The following CYRIB variants were observed in gnomAD, a reference collection of about 807,000 sequenced individuals.
CYRIB encodes the protein CYFIP-related Rac1 interactor B.
Under a neutral mutation model 44.2 loss-of-function variants are expected in CYRIB, and 8 were observed. That is an observed-to-expected ratio of 0.18 (90% CI 0.11 to 0.33). The LOEUF is 0.33. Among genes scored for constraint, CYRIB ranks in the 10% least tolerant of loss-of-function variants. The pLI, the probability that CYRIB is intolerant of heterozygous loss-of-function variation, is 1.00. For synonymous variants in CYRIB, 131 were observed against 127.2 expected (o/e 1.03, Z -0.20); for missense variants, 185 against 382.8 (o/e 0.48, Z 4.31).
At chr8:129,847,527 T>C (rs1349722606) in intron 10 of CYRIB, among the ~76,000 whole-genome samples, 3 of 152,020 alleles carry the variant, frequency 2.0e-5, no homozygotes, top group African/African-American at 7.2e-5. Context: ...AAAGAAGAAC[T>C]TTCAGGTAGA....
chr8:129,916,821 G>A (rs774026583), intron 1 of CYRIB, among the ~76,000 whole-genome samples: 2 of 152,178 alleles, frequency 1.3e-5, no homozygotes, highest in Non-Finnish European at 2.9e-5. Flanking sequence ...AATATGCAGT[G>A]CTTAAGTATT....
At chr8:130,001,063 G>C (rs978134917) in intron 1 of CYRIB, among the ~76,000 whole-genome samples, 7 of 152,116 alleles carry the variant, frequency 4.6e-5, no homozygotes, top group African/African-American at 1.7e-4. Flanking sequence ...CCAAAACACA[G>C]GCAAAGATGA....
chr8:129,995,803 C>A (rs1225968750), intron 1 of CYRIB, among the ~76,000 whole-genome samples: 3 of 152,250 alleles, frequency 2.0e-5, no homozygotes. Context: ...GGACCGTGGT[C>A]CAGAGGACTA....
At chr8:129,964,144 A>G (rs1020363488) in intron 2 of CYRIB, among the ~76,000 whole-genome samples, 6 of 152,246 alleles carry the variant, frequency 3.9e-5, no homozygotes, top group Non-Finnish European at 5.9e-5. Context: ...TTGAGAAGAA[A>G]GGCCCCTAAA....
chr8:129,957,347 G>A (rs1359665311), intron 2 of CYRIB, among the ~76,000 whole-genome samples: 2 of 152,158 alleles, frequency 1.3e-5, no homozygotes, highest in Non-Finnish European at 2.9e-5. Context: ...CAGTACTTAA[G>A]GCTGTACTTT....
At chr8:129,941,166 A>G (rs769257033), upstream of CYRIB, among the ~76,000 whole-genome samples, 23 of 152,034 alleles carry the variant, frequency 1.5e-4, no homozygotes, top group Non-Finnish European at 3.4e-4. Context: ...TAAGGGCAAC[A>G]TTCCTAGGCC....
intron 2 of CYRIB, among the ~76,000 whole-genome samples, chr8:129,950,066 T>C (rs1156772651): frequency 6.6e-6 from 1 of 152,220 alleles, no homozygotes; most frequent in Non-Finnish European, 1.5e-5. Context: ...ACTTAAATGT[T>C]TGGTAAACTC....
At chr8:129,981,927 CCAT>C (rs1340913533) in intron 1 of CYRIB, among the ~76,000 whole-genome samples, 2 of 152,216 alleles carry the variant, frequency 1.3e-5, no homozygotes, top group East Asian at 3.8e-4. Flanking sequence ...GTGAAGGACA[CCAT>C]CATCTATTCA....
At chr8:129,866,254 G>T (rs765604006) in intron 4 of CYRIB, among the ~76,000 whole-genome samples, 1 of 152,174 alleles carries the variant, frequency 6.6e-6, no homozygotes, top group Non-Finnish European at 1.5e-5. Flanking sequence ...TTTTTATCAC[G>T]TTTTTCCATA....
At chr8:129,942,517 C>G (rs1028557239), upstream of CYRIB, among the ~76,000 whole-genome samples, 2 of 152,176 alleles carry the variant, frequency 1.3e-5, no homozygotes, top group African/African-American at 4.8e-5. Context: ...GCTCAGAAAA[C>G]AAGACTCCTA....
intron 1 of CYRIB, among the ~76,000 whole-genome samples, chr8:129,921,753 T>C (rs911449073): frequency 6.6e-6 from 1 of 152,192 alleles, no homozygotes; most frequent in Non-Finnish European, 1.5e-5. Context: ...GTCAGGTATA[T>C]ATAAACTGAT....
At chr8:129,946,458 G>C (rs1276135988) in intron 2 of CYRIB, among the ~76,000 whole-genome samples, 1 of 152,160 alleles carries the variant, frequency 6.6e-6, no homozygotes, top group Non-Finnish European at 1.5e-5. Context: ...CTCCAGTGTT[G>C]CCTTAGGGAT....
intron 1 of CYRIB, among the ~76,000 whole-genome samples, chr8:129,906,098 C>T (rs1177715258): frequency 6.6e-6 from 1 of 152,072 alleles, no homozygotes; most frequent in Non-Finnish European, 1.5e-5. Flanking sequence ...TTGGAAAAAA[C>T]TACTTTAAAG....
At chr8:129,986,989 A>G (rs1249482860) in intron 1 of CYRIB, among the ~76,000 whole-genome samples, 1 of 152,184 alleles carries the variant, frequency 6.6e-6, no homozygotes, top group Non-Finnish European at 1.5e-5. Flanking sequence ...GACGGCTCAA[A>G]TGCAGCCATA....
At chr8:129,921,601 G>A (rs140550784) in intron 1 of CYRIB, among the ~76,000 whole-genome samples, 1 of 152,270 alleles carries the variant, frequency 6.6e-6, no homozygotes, top group East Asian at 1.9e-4. Context: ...GGAGAGACAA[G>A]GTTTCAGCAT....
At chr8:129,958,328 C>G (rs547558555) in intron 2 of CYRIB, among the ~76,000 whole-genome samples, 1 of 152,178 alleles carries the variant, frequency 6.6e-6, no homozygotes, top group Non-Finnish European at 1.5e-5. Context: ...CACCAGCACA[C>G]AAATGACTTT....
chr8:129,942,188 A>C (rs28550585), upstream of CYRIB, among the ~76,000 whole-genome samples: 4,810 of 152,176 alleles, frequency 0.032, 240 homozygotes, highest in African/African-American at 0.11. Context: ...AAAATACAAA[A>C]ATTAGCTGGG....
intron 1 of CYRIB, among the ~76,000 whole-genome samples, chr8:129,910,592 G>A (rs1589459814): frequency 6.6e-6 from 1 of 150,712 alleles, no homozygotes; most frequent in South Asian, 2.1e-4. Flanking sequence ...AAGACCAGGA[G>A]TTTGAGAACA....
At chr8:129,993,630 G>A (rs139469219) in intron 1 of CYRIB, among the ~76,000 whole-genome samples, 4,946 of 152,028 alleles carry the variant, frequency 0.033, 103 homozygotes, top group Middle Eastern at 0.071. Context: ...CCAGGAGGCG[G>A]AGGTTGCAGT....
Sources: allele counts gnomAD v4.1 joint callset (sites outside exome capture counted in the v4.1 genomes callset), GRCh38; gene constraint gnomAD v4.1.1; transcripts MANE v1.5; gene names NCBI Gene and HGNC (gene_info 2026-07-23, HGNC 2026-07-21).